Variants in ANO10 observed in about 807,000 individuals in gnomAD.
ANO10 encodes the protein anoctamin 10.
Under a neutral mutation model 74.7 loss-of-function variants are expected in ANO10, and 77 were observed. That is an observed-to-expected ratio of 1.03 (90% CI 0.86 to 1.25). The LOEUF (loss-of-function observed/expected upper bound fraction) is 1.25. Among genes scored for constraint, ANO10 ranks in the 50% most tolerant of loss-of-function variants. The pLI is 0.00. For missense variants in ANO10, 721 were observed against 778.1 expected (o/e 0.93, Z 0.87); for synonymous variants, 279 against 284.9 (o/e 0.98, Z 0.21).
At chr3:43,641,591 G>C (rs886381318) in intron 1 of ANO10, among the ~76,000 whole-genome samples, 8 of 152,148 alleles carry the variant, frequency 5.3e-5, no homozygotes, top group African/African-American at 1.9e-4. Flanking sequence ...ACTGAGAAAT[G>C]TTATTTCAAC....
intron 11 of ANO10, among the ~76,000 whole-genome samples, chr3:43,454,622 CA>C (rs1398326152): frequency 6.6e-6 from 1 of 151,872 alleles, no homozygotes; most frequent in African/African-American, 2.4e-5. Context: ...GGAGGAAAAG[CA>C]AGTGATGTAG....
intron 11 of ANO10, among the ~76,000 whole-genome samples, chr3:43,439,110 A>G (rs2093120511): frequency 6.6e-6 from 1 of 152,144 alleles, no homozygotes; most frequent in Non-Finnish European, 1.5e-5. Flanking sequence ...TCAAAATCAA[A>G]GACAAAGAGA....
intron 11 of ANO10, among the ~76,000 whole-genome samples, chr3:43,537,095 T>A (rs2078745768): frequency 6.6e-6 from 1 of 151,496 alleles, no homozygotes; most frequent in Non-Finnish European, 1.5e-5. Flanking sequence ...AGACTAGATG[T>A]ATATTACAGC....
At chr3:43,513,613 C>T (rs2077594953) in intron 11 of ANO10, among the ~76,000 whole-genome samples, 1 of 152,170 alleles carries the variant, frequency 6.6e-6, no homozygotes, top group Admixed American at 6.5e-5. Flanking sequence ...AGGGTTCACG[C>T]CATTCTCCTG....
At chr3:43,528,516 A>G (rs746963267) in intron 11 of ANO10, among the ~76,000 whole-genome samples, 115 of 152,290 alleles carry the variant, frequency 7.6e-4, no homozygotes, top group African/African-American at 8.2e-4. Context: ...AAGAAAAGGA[A>G]GAAGAGAACA....
chr3:43,570,583 A>G (rs2149381394), intron 7 of ANO10, among the ~76,000 whole-genome samples: 1 of 152,280 alleles, frequency 6.6e-6, no homozygotes, highest in Admixed American at 6.5e-5. Context: ...AGCAATGGGG[A>G]AGGGATTCCC....
At chr3:43,452,055 G>A (rs2074902522) in intron 11 of ANO10, among the ~76,000 whole-genome samples, 2 of 152,142 alleles carry the variant, frequency 1.3e-5, no homozygotes, top group African/African-American at 4.8e-5. Flanking sequence ...TAATAAAATA[G>A]GCCATAGAAC....
chr3:43,629,357 T>A (rs537353913), intron 1 of ANO10, among the ~76,000 whole-genome samples: 13 of 152,382 alleles, frequency 8.5e-5, no homozygotes, highest in Non-Finnish European at 1.8e-4. Flanking sequence ...TACATGCCTT[T>A]TCATCATCTA....
At chr3:43,453,613 A>T (rs572576971) in intron 11 of ANO10, among the ~76,000 whole-genome samples, 6 of 152,122 alleles carry the variant, frequency 3.9e-5, no homozygotes, top group Middle Eastern at 3.4e-3. Context: ...TAGGTCTTTG[A>T]TCTATTTTGA....
chr3:43,565,786 A>G, intron 7 of ANO10, 59 bp from the exon 8 acceptor site: 1 of 1,506,306 alleles, frequency 6.6e-7, no homozygotes, highest in Non-Finnish European at 9.0e-7. Flanking sequence ...GTACTTTACT[A>G]CAACTGTAAT....
intron 11 of ANO10, chr3:43,485,389 C>G: frequency 2.3e-6 from 1 of 440,146 alleles, no homozygotes; most frequent in Non-Finnish European, 4.2e-6. Context: ...GGGCTAAAGA[C>G]TTGCCATTGT....
chr3:43,423,752 A>G (rs2092855647), intron 12 of ANO10, among the ~76,000 whole-genome samples: 1 of 152,212 alleles, frequency 6.6e-6, no homozygotes, highest in Non-Finnish European at 1.5e-5. Context: ...GCAAAAAATT[A>G]CCTGCAAATG....
chr3:43,660,994 A>G (rs541735737), intron 1 of ANO10, among the ~76,000 whole-genome samples: 5 of 152,338 alleles, frequency 3.3e-5, no homozygotes, highest in African/African-American at 7.2e-5. Context: ...GATATTATCC[A>G]GGAGAACTTC....
At chr3:43,501,783 G>C (rs548277666) in intron 11 of ANO10, among the ~76,000 whole-genome samples, 1 of 152,300 alleles carries the variant, frequency 6.6e-6, no homozygotes, top group South Asian at 2.1e-4. Flanking sequence ...AAATGTGGTG[G>C]AAGATGACAG....
chr3:43,372,342 C>G (rs551401038), intron 12 of ANO10, among the ~76,000 whole-genome samples: 17 of 152,246 alleles, frequency 1.1e-4, no homozygotes, highest in Admixed American at 8.5e-4. Context: ...AGACGGCACC[C>G]CAGACCATCC....
chr3:43,676,884 T>C (rs1246096875), intron 1 of ANO10, among the ~76,000 whole-genome samples: 1 of 152,172 alleles, frequency 6.6e-6, no homozygotes, highest in Non-Finnish European at 1.5e-5. Context: ...GCCTTGATTC[T>C]AGTACAGTCA....
chr3:43,619,542 A>G (rs1315324987), intron 1 of ANO10, among the ~76,000 whole-genome samples: 3 of 152,032 alleles, frequency 2.0e-5, no homozygotes, highest in South Asian at 2.1e-4. Flanking sequence ...AAAACAAGAA[A>G]CTTTTTAAAA....
At chr3:43,691,334 A>T (rs533982155) in intron 1 of ANO10, 6 of 247,528 alleles carry the variant, frequency 2.4e-5, no homozygotes, top group Non-Finnish European at 4.6e-5. Flanking sequence ...TGTATAAGCC[A>T]CCCCGCGGGC....
intron 11 of ANO10, among the ~76,000 whole-genome samples, chr3:43,520,431 G>A (rs1289990550): frequency 6.6e-6 from 1 of 152,034 alleles, no homozygotes; most frequent in Non-Finnish European, 1.5e-5. Flanking sequence ...AATTTTAGGG[G>A]GATAGAAACA....
Sources: gnomAD v4.1 joint callset for allele counts (sites outside exome capture counted in the v4.1 genomes callset) on GRCh38, gnomAD v4.1.1 for gene constraint, MANE v1.5 for transcripts, NCBI Gene and HGNC (gene_info 2026-07-23, HGNC 2026-07-21) for gene names.